Variants in BEGAIN observed in about 807,000 individuals in gnomAD.
The protein encoded by BEGAIN is brain enriched guanylate kinase associated.
Under a neutral mutation model 35.8 loss-of-function variants are expected in BEGAIN, and 19 were observed. The observed-to-expected ratio is 0.53, with a 90% CI of 0.37 to 0.78. The LOEUF (loss-of-function observed/expected upper bound fraction) is 0.78, where lower values mean the gene tolerates loss of function less well. BEGAIN is among the 30% of genes least tolerant of loss of function. The pLI is 0.00. For synonymous variants in BEGAIN, 462 were observed against 388.6 expected (o/e 1.19, Z -2.22); for missense variants, 795 against 853.6 (o/e 0.93, Z 0.85).
In BEGAIN at chr14:100,543,997, G is replaced by A. The variant is rs780262111; in HGVS notation, c.301-32C>T. On this transcript the variant is annotated intron_variant, in intron 4 of 6. Coordinates refer to ENST00000554140, the MANE Select transcript of BEGAIN (RefSeq NM_001385089.1). ...GTGGGACAGTGGGAGGAGGAGGCCC[G>A]TGGTTGGCTCCTGGTGAGCCAACCC... The A allele has an allele frequency of 6.5e-6, 10 of 1,546,210 alleles. No individual in the cohort carries two copies. The East Asian group carries it at 7.1e-5, about 11-fold the overall frequency.
At chr14:100,569,020 G>T (rs890183355) in intron 1 of BEGAIN, 395 of 885,068 alleles carry the variant, frequency 4.5e-4, no homozygotes, top group Non-Finnish European at 5.1e-4. Flanking sequence ...CCCGCCGGGC[G>T]AGGGCGCAGC....
chr14:100,577,924 C>G (rs2035237379), intron 1 of BEGAIN: 2 of 399,168 alleles, frequency 5.0e-6, no homozygotes, highest in Non-Finnish European at 8.8e-6. Context: ...GTTAGAGCCC[C>G]GTGCCTGGGA....
intron 1 of BEGAIN, among the ~76,000 whole-genome samples, chr14:100,572,014 T>A (rs374681200): frequency 1.3e-5 from 2 of 152,320 alleles, no homozygotes; most frequent in South Asian, 4.1e-4. Flanking sequence ...GGTGTTGGCC[T>A]GAACGAATGC....
In BEGAIN at chr14:100,576,937, A is replaced by G. The variant is rs1233169967; in HGVS notation, c.43-8998T>C. Among the ~76,000 whole-genome samples, 5 of 152,094 alleles carry G rather than the reference A, an allele frequency of 3.3e-5. No homozygotes were observed. In the South Asian group the frequency reaches 6.2e-4, roughly 19 times the overall value. ...CAACCTCAGTTTCCAACTCCATATA[A>G]TTGGGGCAGCTATGAAAGCTGCCTG... On this transcript the variant is annotated intron_variant, in intron 1 of 6. Coordinates refer to ENST00000554140, the MANE Select transcript of BEGAIN (RefSeq NM_001385089.1).
At chr14:100,556,131 G>T (rs2033699076) in intron 2 of BEGAIN, among the ~76,000 whole-genome samples, 1 of 152,152 alleles carries the variant, frequency 6.6e-6, no homozygotes, top group African/African-American at 2.4e-5. Context: ...CACCCTGACG[G>T]TGTGGATTTG....
chr14:100,539,161 G>C lies in BEGAIN; in HGVS notation c.647C>G (p.Ser216Cys). The change falls in exon 7 of 7, where the codon TCC becomes TGC. Residue 216 changes from serine to cysteine, a missense_variant. By Grantham distance (112) the Ser-to-Cys change is moderately radical. Around this residue, in one of 3 missense-constraint regions of BEGAIN, gnomAD observed 664 missense variants for 647.7 expected, o/e 1.03. Coordinates refer to ENST00000554140, the MANE Select transcript of BEGAIN (RefSeq NM_001385089.1). ...LEKPDPASLS[S>C]RLSDASARDL... ...GCGGGCGGAGGCATCGGACAGGCGG[G>C]AGGACAGGCTGGCGGGGTCCGGCTT... 6.3e-7 allele frequency: 1 copy of C among 1,596,016 alleles called. No homozygotes were observed. Among genetic ancestry groups the C allele is most frequent in the South Asian group, 1.1e-5 (1 of 89,420 alleles).
At chr14:100,545,382 T>A in intron 3 of BEGAIN, 2 of 1,185,180 alleles carry the variant, frequency 1.7e-6, no homozygotes, top group Non-Finnish European at 2.1e-6. Context: ...GGAGCCAGTT[T>A]ACTCACATTT....
chr14:100,555,408 T>G (rs995399956), intron 2 of BEGAIN, among the ~76,000 whole-genome samples: 4 of 152,248 alleles, frequency 2.6e-5, no homozygotes, highest in African/African-American at 9.6e-5. Flanking sequence ...TTGCTCCTGC[T>G]GCGCTGACTC....
At position 100,573,845 on chromosome 14, in the gene BEGAIN, CCA is replaced by C. The variant is rs2035143453; in HGVS notation, c.43-5908_43-5907del. Among the ~76,000 whole-genome samples, 1 of 151,874 alleles carries C rather than the reference CCA, an allele frequency of 6.6e-6. No individual in the cohort carries two copies. The highest frequency in any genetic ancestry group is 2.4e-5 in the African/African-American group (1 of 41,306). On this transcript the variant is annotated intron_variant, in intron 1 of 6. Transcript: ENST00000554140. This position sits in a 1 kb window ranked among gnomAD's most constrained non-coding sequence, Gnocchi z 4.2. The stretch of plus-strand genomic sequence containing the variant: ...AGCACTGGGGAGGCCGCCAGGGCAG[CCA>C]CGGTGGGAGGCGACAGGGGCTGGGA...
chr14:100,554,124 C>G (rs769502642), intron 2 of BEGAIN, among the ~76,000 whole-genome samples: 26 of 152,212 alleles, frequency 1.7e-4, no homozygotes, highest in Non-Finnish European at 3.2e-4. Context: ...CTCCAGGGCC[C>G]CTGGTGTCAG....
chr14:100,578,947 C>T (rs918153372), intron 1 of BEGAIN, among the ~76,000 whole-genome samples: 7 of 150,440 alleles, frequency 4.7e-5, no homozygotes, highest in East Asian at 2.0e-4. Flanking sequence ...CTGCAACTTC[C>T]GCTCCCAGAT....
Position 100,540,304 on chromosome 14 carries a change from G to A in BEGAIN, c.492+192C>T, listed in dbSNP as rs527966205. 6.3e-5 allele frequency: 37 copies of A among 590,680 alleles called. No individual in the cohort carries two copies. In the Admixed American group the frequency reaches 1.0e-3, roughly 17 times the overall value. 36.6% of individuals were successfully genotyped at this position (590,680 alleles called of 1,614,324 possible). Reference sequence around the variant, plus strand: ...TCTGGTGAGGGCCAGGGGCTGCCCGGCTGCGTGAGGTGGGGTGCCTTTGGC... The same window carrying A: ...TCTGGTGAGGGCCAGGGGCTGCCCGACTGCGTGAGGTGGGGTGCCTTTGGC... On this transcript the variant is annotated intron_variant, in intron 6 of 6. Transcript: ENST00000554140.
chr14:100,561,224 C>G (rs560698169), intron 2 of BEGAIN, among the ~76,000 whole-genome samples: 1 of 152,202 alleles, frequency 6.6e-6, no homozygotes, highest in Non-Finnish European at 1.5e-5. Context: ...CAGAGGGCCC[C>G]ACGCTGCCAG....
chr14:100,561,746 T>C (rs2034277279), intron 2 of BEGAIN, among the ~76,000 whole-genome samples: 1 of 151,676 alleles, frequency 6.6e-6, no homozygotes, highest in South Asian at 2.1e-4. Flanking sequence ...GAAGGCCACA[T>C]AGCCAGTAAG....
At chr14:100,584,896 AG>A (rs1405553482) in intron 1 of BEGAIN, among the ~76,000 whole-genome samples, 1 of 152,072 alleles carries the variant, frequency 6.6e-6, no homozygotes, top group African/African-American at 2.4e-5. Context: ...GGCGAGTCCT[AG>A]GGTCACCCAC....
chr14:100,579,614 G>A lies in BEGAIN; in HGVS notation c.42+7635C>T, dbSNP rs560628696. On this transcript the variant is annotated intron_variant, in intron 1 of 6. Coordinates refer to ENST00000554140, the MANE Select transcript of BEGAIN (RefSeq NM_001385089.1). ...GGCCCTGTGTGGCATGCTCATAGCT[G>A]TACATCTGGGCTCTGTCTGGATGCC... 7.9e-4 allele frequency among the ~76,000 whole-genome samples: 120 copies of A among 152,332 alleles called. 1 individual carries two copies. Among genetic ancestry groups the A allele is most frequent in the Admixed American group, 2.4e-3 (37 of 15,308 alleles).
chr14:100,572,356 A>G (rs939362601), intron 1 of BEGAIN, among the ~76,000 whole-genome samples: 25 of 152,180 alleles, frequency 1.6e-4, no homozygotes, highest in Admixed American at 1.6e-3. Context: ...GAGGAGAGTG[A>G]GCCCACCTCT....
At position 100,587,398 on chromosome 14, in the gene BEGAIN, C is replaced by T. The variant is rs1264435598; in HGVS notation, c.-108G>A. 1.4e-5 allele frequency: 2 copies of T among 146,258 alleles called. No homozygotes were observed. The highest frequency in any genetic ancestry group is 1.4e-4 in the Admixed American group (2 of 14,698). The allele number at this position is 146,258 out of a possible 1,614,324, so 9.1% of individuals were successfully genotyped here. ...GCGCGGCCGGGGCTCCCCCACCCCG[C>T]CCGGCTTCCCGCAGGGAGCGCCCGC... On this transcript the variant is annotated 5_prime_UTR_variant, in exon 1 of 7. Coordinates refer to ENST00000554140, the MANE Select transcript of BEGAIN (RefSeq NM_001385089.1).
intron 1 of BEGAIN, among the ~76,000 whole-genome samples, chr14:100,578,856 CT>C (rs529546763): frequency 0.016 from 2,001 of 126,978 alleles, 18 homozygotes; most frequent in Non-Finnish European, 0.022. Context: ...GCCTCTGGTA[CT>C]TTTTTTTTTT....
Sources: gnomAD v4.1 joint callset for allele counts (sites outside exome capture counted in the v4.1 genomes callset) on GRCh38, gnomAD v4.1.1 for gene constraint, gnomAD v4.1.1 regional missense constraint, Gnocchi (gnomAD v3.1) non-coding constraint, MANE v1.5 for transcripts, NCBI Gene and HGNC (gene_info 2026-07-23, HGNC 2026-07-21) for gene names.